ST3GAL3: variants seen among roughly 807,000 people sequenced by gnomAD.
ST3GAL3 encodes the protein ST3 beta-galactoside alpha-2,3-sialyltransferase 3.
In ST3GAL3, 21 loss-of-function variants were observed where a neutral mutation model predicts 50.1. The observed-to-expected ratio is 0.42, with a 90% CI of 0.30 to 0.60. The LOEUF (loss-of-function observed/expected upper bound fraction) is 0.60. Ranked by LOEUF, ST3GAL3 falls within the 20% of genes least tolerant of loss-of-function variation. ST3GAL3 has a pLI of 0.19. For missense variants in ST3GAL3, 353 were observed against 489.4 expected (o/e 0.72, Z 2.63); for synonymous variants, 183 against 190.0 (o/e 0.96, Z 0.30).
chr1:43,889,562 T>A (rs768330938), intron 5 of ST3GAL3, among the ~76,000 whole-genome samples: 2 of 152,242 alleles, frequency 1.3e-5, no homozygotes, highest in African/African-American at 2.4e-5. Context: ...TAGTGGGGTA[T>A]ACCCTAAGGC....
At chr1:43,912,238 G>C (rs2154287722) in intron 9 of ST3GAL3, 1 of 152,274 alleles carries the variant, frequency 6.6e-6, no homozygotes, top group African/African-American at 2.4e-5. Flanking sequence ...AGCTGACTTT[G>C]TGCCAAACAT....
chr1:43,852,207 C>G (rs1235083751), intron 5 of ST3GAL3, among the ~76,000 whole-genome samples: 1 of 152,170 alleles, frequency 6.6e-6, no homozygotes, highest in Non-Finnish European at 1.5e-5. Flanking sequence ...CTCCTTTCCT[C>G]CCTCGAGTAT....
At chr1:43,911,620 T>C (rs1390424208) in intron 9 of ST3GAL3, among the ~76,000 whole-genome samples, 2 of 134,716 alleles carry the variant, frequency 1.5e-5, no homozygotes, top group Non-Finnish European at 3.3e-5. Flanking sequence ...TCTACAGATA[T>C]ATCTATAGAT....
chr1:43,772,030 CTTTT>C (rs11320873), intron 2 of ST3GAL3: 49 of 377,624 alleles, frequency 1.3e-4, no homozygotes, highest in Non-Finnish European at 1.5e-4. Context: ...CAGAGGTGGT[CTTTT>C]TTTTTTTTTT....
At chr1:43,744,857 G>C (rs1015500378) in intron 2 of ST3GAL3, among the ~76,000 whole-genome samples, 1 of 151,826 alleles carries the variant, frequency 6.6e-6, no homozygotes, top group South Asian at 2.1e-4. Flanking sequence ...TTGGCGTGAT[G>C]GCATGTGCCT....
At chr1:43,727,799 C>T (rs898707195) in intron 1 of ST3GAL3, among the ~76,000 whole-genome samples, 12 of 151,954 alleles carry the variant, frequency 7.9e-5, no homozygotes, top group African/African-American at 1.5e-4. Flanking sequence ...TTTTTTCTCC[C>T]GGAAGACCCA....
intron 9 of ST3GAL3, among the ~76,000 whole-genome samples, chr1:43,907,627 C>T (rs76708364): frequency 0.023 from 3,492 of 152,240 alleles, 58 homozygotes; most frequent in African/African-American, 0.042. Flanking sequence ...ACCTGCATCC[C>T]CATTCATCCC....
intron 5 of ST3GAL3, among the ~76,000 whole-genome samples, chr1:43,882,192 G>T (rs1191374839): frequency 6.6e-6 from 1 of 152,226 alleles, no homozygotes; most frequent in African/African-American, 2.4e-5. Context: ...GTCCAGTCTT[G>T]AGGAATGAGC....
intron 11 of ST3GAL3, among the ~76,000 whole-genome samples, chr1:43,928,515 C>T (rs1041737462): frequency 6.6e-6 from 1 of 151,516 alleles, no homozygotes; most frequent in Admixed American, 6.6e-5. Flanking sequence ...CAGGAGAATC[C>T]CTTGAACCCG....
chr1:43,847,717 C>A (rs1022313755), intron 5 of ST3GAL3, among the ~76,000 whole-genome samples: 1 of 152,138 alleles, frequency 6.6e-6, no homozygotes, highest in Non-Finnish European at 1.5e-5. Flanking sequence ...GGTTACACAA[C>A]AGTGTGAAAA....
chr1:43,811,954 G>C (rs1312178926), intron 3 of ST3GAL3, among the ~76,000 whole-genome samples: 2 of 152,182 alleles, frequency 1.3e-5, no homozygotes, highest in Admixed American at 1.3e-4. Flanking sequence ...GATTTCCTTT[G>C]AAAATCCGCA....
intron 1 of ST3GAL3, chr1:43,727,448 C>T (rs768889772): frequency 6.6e-6 from 1 of 152,080 alleles, no homozygotes; most frequent in Non-Finnish European, 1.5e-5. Flanking sequence ...GAGAGAAGTG[C>T]ACTAAGGAAA....
chr1:43,857,908 G>A (rs776543245), intron 5 of ST3GAL3, among the ~76,000 whole-genome samples: 4 of 152,060 alleles, frequency 2.6e-5, no homozygotes, highest in Non-Finnish European at 5.9e-5. Context: ...GAGCCACCAC[G>A]CCTGGCCTTA....
chr1:43,800,796 C>A (rs2059228905), intron 3 of ST3GAL3, among the ~76,000 whole-genome samples: 1 of 152,218 alleles, frequency 6.6e-6, no homozygotes, highest in Admixed American at 6.5e-5. Context: ...CTTCATTCTG[C>A]AAGCCTGACA....
chr1:43,838,187 G>A lies in ST3GAL3; in HGVS notation c.210-32G>A, dbSNP rs375814967. 14 of 1,571,480 alleles carry A rather than the reference G, an allele frequency of 8.9e-6. No homozygotes were observed. In the East Asian group the frequency reaches 1.1e-4, roughly 13 times the overall value. On this transcript the variant is annotated intron_variant, in intron 4 of 11. Transcript: ENST00000347631. ...ATAACCCACTCAGTGCTCAGTGCCT[G>A]GCAAGCTGTAACTTTCCTTCTCTTC... is the stretch of plus-strand genomic sequence containing the variant.
chr1:43,720,809 A>G (rs1212854648), intron 1 of ST3GAL3, among the ~76,000 whole-genome samples: 1 of 152,242 alleles, frequency 6.6e-6, no homozygotes, highest in Non-Finnish European at 1.5e-5. Flanking sequence ...GAGTATGTCC[A>G]TACAAAAATG....
Position 43,769,463 on chromosome 1 carries a change from G to A in ST3GAL3, c.119-22639G>A, listed in dbSNP as rs114131769. Among the ~76,000 whole-genome samples the A allele has an allele frequency of 6.2e-3, 947 of 152,292 alleles. 9 individuals carry two copies. Among genetic ancestry groups the A allele is most frequent in the African/African-American group, 0.022 (906 of 41,548 alleles). Reference sequence around the variant, plus strand: ...AACCGAGGAAGTAGCAGGATGGGGAGGGGAGGGCATGGGCTTGGGAGACAT... The same window carrying A: ...AACCGAGGAAGTAGCAGGATGGGGAAGGGAGGGCATGGGCTTGGGAGACAT... On this transcript the variant is annotated intron_variant, in intron 2 of 11. Coordinates refer to ENST00000347631, the MANE Select transcript of ST3GAL3 (RefSeq NM_006279.5).
chr1:43,887,490 C>A (rs2076146460), intron 5 of ST3GAL3, among the ~76,000 whole-genome samples: 1 of 152,026 alleles, frequency 6.6e-6, no homozygotes, highest in African/African-American at 2.4e-5. Context: ...AAATTGCATT[C>A]AGAGAGTATT....
Position 43,920,570 on chromosome 1 carries a change from G to C in ST3GAL3, c.891+20G>C, listed in dbSNP as rs1384578637. The stretch of plus-strand genomic sequence containing the variant: ...CGGGGGGTGAGATATCTGGGCCCTG[G>C]GAGAGGGAGGAGGAAAGCTGGGTCA... On this transcript the variant is annotated intron_variant, in intron 10 of 11. Transcript: ENST00000347631. 1 of 1,613,034 alleles carries C rather than the reference G, an allele frequency of 6.2e-7. No individual in the cohort carries two copies. The highest frequency in any genetic ancestry group is 1.7e-5 in the Admixed American group (1 of 60,002).
Sources: gnomAD v4.1 joint callset for allele counts (sites outside exome capture counted in the v4.1 genomes callset) on GRCh38, gnomAD v4.1.1 for gene constraint, MANE v1.5 for transcripts, NCBI Gene and HGNC (gene_info 2026-07-23, HGNC 2026-07-21) for gene names.